CPVL: variants seen among roughly 807,000 people sequenced by gnomAD.
CPVL encodes probable serine carboxypeptidase CPVL.
Under a neutral mutation model 63.7 loss-of-function variants are expected in CPVL, and 51 were observed. The observed-to-expected ratio is 0.80, with a 90% CI of 0.64 to 1.01. The LOEUF (loss-of-function observed/expected upper bound fraction) is 1.01, where lower values mean the gene tolerates loss of function less well. Ranked by LOEUF, CPVL falls within the 50% of genes least tolerant of loss-of-function variation. The pLI, the probability that CPVL is intolerant of heterozygous loss-of-function variation, is 0.00. For synonymous variants in CPVL, 195 were observed against 206.0 expected, an observed-to-expected ratio of 0.95 and a Z score of 0.46; for missense variants, 530 against 573.1, an observed-to-expected ratio of 0.92 and a Z score of 0.77.
chr7:29,131,391 T>C (rs182274740), intron 1 of CPVL, among the ~76,000 whole-genome samples: 11 of 152,288 alleles, frequency 7.2e-5, no homozygotes, highest in Admixed American at 2.0e-4. Context: ...AAGAAACTTC[T>C]CCCTGATTCT....
At chr7:29,176,637 AAAG>A (rs1318651570) in intron 5 of CPVL, among the ~76,000 whole-genome samples, 4 of 152,234 alleles carry the variant, frequency 2.6e-5, no homozygotes, top group Non-Finnish European at 5.9e-5. Context: ...TAGGAAGAAA[AAAG>A]AATACAGAAG....
intron 3 of CPVL, among the ~76,000 whole-genome samples, chr7:29,104,318 A>G (rs1052798147): frequency 2.0e-5 from 3 of 152,060 alleles, no homozygotes; most frequent in African/African-American, 7.2e-5. Context: ...CTGGAGTGCA[A>G]TGGCACGACT....
chr7:29,147,712 C>A (rs729777), upstream of CPVL, among the ~76,000 whole-genome samples: 1 of 152,042 alleles, frequency 6.6e-6, no homozygotes, highest in East Asian at 1.9e-4. Flanking sequence ...GAAAATAATT[C>A]TTTTAAGGCC....
intron 4 of CPVL, chr7:29,184,274 TATATG>T (rs1355820158): frequency 6.6e-6 from 1 of 150,760 alleles, no homozygotes; most frequent in African/African-American, 2.4e-5. Context: ...ATAGTGGATA[TATATG>T]ATATATATAT....
chr7:29,016,469 A>G (rs913972154), intron 12 of CPVL, among the ~76,000 whole-genome samples: 12 of 152,088 alleles, frequency 7.9e-5, no homozygotes, highest in African/African-American at 2.2e-4. Context: ...GACCCCCTCC[A>G]ATTGGTGAGG....
At chr7:29,111,763 T>A (rs1318619099) in intron 3 of CPVL, among the ~76,000 whole-genome samples, 1 of 152,190 alleles carries the variant, frequency 6.6e-6, no homozygotes, top group Non-Finnish European at 1.5e-5. Flanking sequence ...ACAACGTAAC[T>A]TGAAAACCAC....
Position 29,120,894 on chromosome 7 carries a change from T to A in CPVL, c.168A>T (p.Lys56Asn). The change falls in exon 2 of 13, where the codon AAA becomes AAT. Residue 56 changes from lysine to asparagine, a missense_variant and splice_region_variant. Transcript: ENST00000265394. ...TCTGATTTAATTAAACTTACTTACC[T>A]TTTTGGATCTTCCCAGCTTCAATGT... ...TPYIEAGKIQ[K>N]GRELSLVGPF... is the part of the protein sequence containing the mutation. 3 of 1,611,324 alleles carry A rather than the reference T, an allele frequency of 1.9e-6. No homozygotes were observed. Among genetic ancestry groups the A allele is most frequent in the Non-Finnish European group, 2.5e-6 (3 of 1,178,772 alleles).
intron 1 of CPVL, among the ~76,000 whole-genome samples, chr7:29,139,554 A>G (rs1791629451): frequency 6.6e-6 from 1 of 152,124 alleles, no homozygotes; most frequent in South Asian, 2.1e-4. Context: ...GGGCTACAAC[A>G]CTGATTAAAT....
intron 9 of CPVL, among the ~76,000 whole-genome samples, chr7:29,070,471 A>G (rs1336866403): frequency 6.6e-6 from 1 of 152,258 alleles, no homozygotes; most frequent in Admixed American, 6.5e-5. Context: ...AATTCTAAAT[A>G]CTGAAGTTTC....
At chr7:29,023,714 A>G (rs1019878337) in intron 12 of CPVL, among the ~76,000 whole-genome samples, 2 of 152,212 alleles carry the variant, frequency 1.3e-5, no homozygotes, top group African/African-American at 4.8e-5. Context: ...CCCACTGAGG[A>G]ACTCGAAGAT....
intron 5 of CPVL, among the ~76,000 whole-genome samples, chr7:29,177,638 A>G (rs1192608493): frequency 6.8e-6 from 1 of 147,142 alleles, no homozygotes; most frequent in Non-Finnish European, 1.5e-5. Context: ...CCATCTGTTT[A>G]TCTATCTGTC....
chr7:29,088,652 A>C (rs1364211817), intron 6 of CPVL, among the ~76,000 whole-genome samples: 2 of 152,232 alleles, frequency 1.3e-5, no homozygotes, highest in Non-Finnish European at 2.9e-5. Context: ...AATCAAGCCC[A>C]CATGAAATTA....
At chr7:29,190,888 G>A (rs1246257732) in intron 1 of CPVL, among the ~76,000 whole-genome samples, 1 of 151,128 alleles carries the variant, frequency 6.6e-6, no homozygotes, top group African/African-American at 2.4e-5. Flanking sequence ...TGCAAAGTAT[G>A]GTAGACAATA....
intron 3 of CPVL, among the ~76,000 whole-genome samples, chr7:29,104,973 T>A (rs1787579929): frequency 6.6e-6 from 1 of 152,182 alleles, no homozygotes; most frequent in Admixed American, 6.5e-5. Flanking sequence ...TACTTTCTTT[T>A]TATTTTGTCT....
At chr7:29,193,341 G>C (rs995032864) in intron 1 of CPVL, 3 of 152,148 alleles carry the variant, frequency 2.0e-5, no homozygotes, top group Non-Finnish European at 4.4e-5. Flanking sequence ...TTCACTGTAT[G>C]TTAGGTCCTT....
intron 11 of CPVL, among the ~76,000 whole-genome samples, chr7:29,040,719 T>C (rs780157978): frequency 3.9e-5 from 6 of 152,114 alleles, no homozygotes; most frequent in Non-Finnish European, 5.9e-5. Context: ...TTTGTCAAGA[T>C]GAATAAAGAA....
At chr7:29,172,896 C>T (rs1215799195) in intron 5 of CPVL, among the ~76,000 whole-genome samples, 4 of 151,814 alleles carry the variant, frequency 2.6e-5, no homozygotes, top group Admixed American at 1.3e-4. Context: ...TTTGGGAGGC[C>T]GAGGTGGGTG....
chr7:29,029,525 G>A (rs59152030), intron 12 of CPVL, among the ~76,000 whole-genome samples: 30,616 of 152,032 alleles, frequency 0.2, 3,332 homozygotes, highest in East Asian at 0.28. Flanking sequence ...ACTGGAGGTC[G>A]TTATGTTAAA....
At position 29,066,193 on chromosome 7, in the gene CPVL, G is replaced by A. The variant is rs1783122941; in HGVS notation, c.865-72C>T. The A allele has an allele frequency of 2.9e-5, 24 of 814,796 alleles. No individual in the cohort carries two copies. The South Asian group carries it at 3.8e-4, about 13-fold the overall frequency. 50.5% of individuals were successfully genotyped at this position (814,796 alleles called of 1,614,324 possible). A position where few individuals can be genotyped will look rare whatever the true frequency, so the allele number is the denominator to read the frequency against. ...TGTGGATAAAAATGTACAGACATTT[G>A]TCATTTCATTTATTCAACAACTTTT... On this transcript the variant is annotated intron_variant, in intron 9 of 12. Transcript: ENST00000265394.
Sources: allele counts gnomAD v4.1 joint callset (sites outside exome capture counted in the v4.1 genomes callset), GRCh38; gene constraint gnomAD v4.1.1; transcripts MANE v1.5; gene names NCBI Gene and HGNC (gene_info 2026-07-23, HGNC 2026-07-21).